RBFOX1: variants seen among roughly 807,000 people sequenced by gnomAD.
The protein encoded by RBFOX1 is RNA binding fox-1 homolog 1, also known as RNA binding protein fox-1 homolog 1.
Under a neutral mutation model 57.7 loss-of-function variants are expected in RBFOX1, and 8 were observed. That is an observed-to-expected ratio of 0.14 (90% CI 0.08 to 0.25). The LOEUF is 0.25. Among genes scored for constraint, RBFOX1 ranks in the 10% least tolerant of loss-of-function variants. The pLI is 1.00. For synonymous variants in RBFOX1, 326 were observed against 222.4 expected (o/e 1.47, Z -4.15); for missense variants, 611 against 548.5 (o/e 1.11, Z -1.14).
chr16:6,540,654 T>C (rs2096802675), intron 2 of RBFOX1, among the ~76,000 whole-genome samples: 1 of 150,288 alleles, frequency 6.7e-6, no homozygotes, highest in Non-Finnish European at 1.5e-5. Context: ...AGTCAGTCTC[T>C]GTACAGACGT....
chr16:6,865,865 C>T (rs764312822), intron 3 of RBFOX1, among the ~76,000 whole-genome samples: 2 of 152,072 alleles, frequency 1.3e-5, no homozygotes, highest in Non-Finnish European at 2.9e-5. Flanking sequence ...AGGCTTATTT[C>T]TTCCTGACAA....
intron 3 of RBFOX1, among the ~76,000 whole-genome samples, chr16:6,822,573 G>T (rs908519225): frequency 6.6e-6 from 1 of 152,162 alleles, no homozygotes; most frequent in African/African-American, 2.4e-5. Context: ...TGAGCTCTTC[G>T]CCGTGCTTGC....
Position 6,317,020 on chromosome 16 carries a change from G to GT in RBFOX1, c.-100dup. On this transcript the variant is annotated 5_prime_UTR_variant, in exon 2 of 16. An upstream open reading frame in the 5' UTR loses its in-frame stop. Coordinates refer to ENST00000550418, the MANE Select transcript of RBFOX1 (RefSeq NM_018723.4). ...GAAACTGGTCAAAGAACTCATGCAA[G>GT]TGGAACTTACAGCTTCCTTGATCGG... is the stretch of plus-strand genomic sequence containing the variant. 1 of 1,535,546 alleles carries GT rather than the reference G, an allele frequency of 6.5e-7. No individual in the cohort carries two copies. Among genetic ancestry groups the GT allele is most frequent in the Non-Finnish European group, 8.7e-7 (1 of 1,146,520 alleles).
intron 3 of RBFOX1, among the ~76,000 whole-genome samples, chr16:5,713,425 C>A (rs960898573): frequency 6.6e-6 from 1 of 152,128 alleles, no homozygotes; most frequent in Non-Finnish European, 1.5e-5. Context: ...GTTCTTGTTT[C>A]ATTGTTGCTG....
chr16:7,264,415 G>A (rs1289616472), intron 4 of RBFOX1, among the ~76,000 whole-genome samples: 4 of 152,194 alleles, frequency 2.6e-5, no homozygotes, highest in African/African-American at 9.6e-5. Context: ...ACAGATCTGG[G>A]ATGGCTCACA....
chr16:5,675,746 C>T lies in RBFOX1; in HGVS notation c.318+76785C>T, dbSNP rs566298342. Among the ~76,000 whole-genome samples the T allele has an allele frequency of 3.9e-5, 6 of 152,230 alleles. No individual in the cohort carries two copies. In the East Asian group the frequency reaches 7.7e-4, roughly 20 times the overall value. On this transcript the variant is annotated intron_variant, in intron 3 of 19. Transcript: ENST00000641259. ...GATGATTAATAGCATCTGTTCTAGT[C>T]ATCCACTCTCCTTGTGGATGGTATG...
intron 4 of RBFOX1, among the ~76,000 whole-genome samples, chr16:7,165,904 C>G (rs1041166350): frequency 2.0e-5 from 3 of 150,264 alleles, no homozygotes; most frequent in Non-Finnish European, 2.9e-5. Flanking sequence ...TTCTCTGTCT[C>G]TTGCCCCCTG....
intron 1 of RBFOX1, among the ~76,000 whole-genome samples, chr16:6,210,029 A>G (rs2097282757): frequency 6.6e-6 from 1 of 152,186 alleles, no homozygotes; most frequent in Non-Finnish European, 1.5e-5. Flanking sequence ...TAGAAATCTT[A>G]CAAAGGGGCC....
chr16:5,880,777 C>T (rs2057742744), intron 4 of RBFOX1, among the ~76,000 whole-genome samples: 1 of 152,092 alleles, frequency 6.6e-6, no homozygotes, highest in South Asian at 2.1e-4. Flanking sequence ...ATTTCAAATA[C>T]ACAATACAAA....
intron 3 of RBFOX1, among the ~76,000 whole-genome samples, chr16:6,891,911 C>A (rs892172813): frequency 3.9e-5 from 6 of 152,142 alleles, no homozygotes; most frequent in Non-Finnish European, 4.4e-5. Context: ...CTTTTCTTCC[C>A]TTTCTTTCCA....
chr16:7,523,041 A>G (rs886233107), intron 5 of RBFOX1, among the ~76,000 whole-genome samples: 4 of 152,072 alleles, frequency 2.6e-5, no homozygotes, highest in African/African-American at 4.8e-5. Context: ...TTCTTTTGCT[A>G]TAGCTTAATT....
intron 2 of RBFOX1, among the ~76,000 whole-genome samples, chr16:6,432,102 T>C (rs1019099684): frequency 2.6e-5 from 4 of 152,036 alleles, no homozygotes; most frequent in African/African-American, 9.7e-5. Context: ...GATGAGACTA[T>C]AGGTGCATAC....
At chr16:7,255,008 G>A (rs2094621039) in intron 4 of RBFOX1, among the ~76,000 whole-genome samples, 1 of 152,082 alleles carries the variant, frequency 6.6e-6, no homozygotes, top group Non-Finnish European at 1.5e-5. Flanking sequence ...TTGCTGTTGT[G>A]TCCTGAGTGT....
At chr16:6,665,156 C>A (rs553466993) in intron 3 of RBFOX1, among the ~76,000 whole-genome samples, 41 of 152,182 alleles carry the variant, frequency 2.7e-4, no homozygotes, top group Non-Finnish European at 1.6e-4. Flanking sequence ...TTAACTCCCA[C>A]CTGTGGAGAA....
chr16:7,055,552 C>G (rs976904284), intron 4 of RBFOX1, among the ~76,000 whole-genome samples: 1 of 152,156 alleles, frequency 6.6e-6, no homozygotes, highest in Non-Finnish European at 1.5e-5. Context: ...AGAGGAGTTT[C>G]TCCTTCACAC....
intron 3 of RBFOX1, among the ~76,000 whole-genome samples, chr16:6,999,671 C>G (rs1408151413): frequency 6.6e-6 from 1 of 151,918 alleles, no homozygotes; most frequent in Non-Finnish European, 1.5e-5. Context: ...TATTTTGAAG[C>G]AAATCCAAAA....
intron 4 of RBFOX1, among the ~76,000 whole-genome samples, chr16:7,165,336 G>T (rs974513783): frequency 6.7e-6 from 1 of 149,416 alleles, no homozygotes; most frequent in Non-Finnish European, 1.5e-5. Context: ...GCCCACCCAG[G>T]GTGAAAAAAT....
chr16:7,694,722 G>A (rs950402048), intron 14 of RBFOX1, among the ~76,000 whole-genome samples: 1 of 152,170 alleles, frequency 6.6e-6, no homozygotes, highest in Non-Finnish European at 1.5e-5. Flanking sequence ...GAGTGGCAGG[G>A]AATGTTCCTG....
At chr16:5,934,380 G>A (rs1013864811) in intron 4 of RBFOX1, among the ~76,000 whole-genome samples, 4 of 152,180 alleles carry the variant, frequency 2.6e-5, no homozygotes, top group African/African-American at 9.7e-5. Context: ...GGCAGCTGGT[G>A]TGGATTTTGC....
Sources: gnomAD v4.1 joint callset for allele counts (sites outside exome capture counted in the v4.1 genomes callset) on GRCh38, gnomAD v4.1.1 for gene constraint, MANE v1.5 for transcripts, NCBI Gene and HGNC (gene_info 2026-07-23, HGNC 2026-07-21) for gene names.